The following PEDS1 variants were observed in gnomAD, a reference collection of about 807,000 sequenced individuals.
PEDS1 encodes CarF homolog.
In PEDS1, 14 loss-of-function variants were observed where a neutral mutation model predicts 35.2. The ratio of observed to expected loss-of-function variants is 0.40; its 90% CI spans 0.26 to 0.62. The LOEUF is 0.62. PEDS1 is among the 20% of genes least tolerant of loss of function. PEDS1 has a pLI of 0.44. For synonymous variants in PEDS1, 152 were observed against 152.0 expected, an observed-to-expected ratio of 1.00 and a Z score of 0.00; for missense variants, 260 against 367.8, an observed-to-expected ratio of 0.71 and a Z score of 2.40.
chr20:50,122,533 T>C lies in PEDS1; in HGVS notation c.*2525A>G, dbSNP rs1183628385. The C allele has an allele frequency of 1.3e-5, 2 of 152,064 alleles. No homozygotes were observed. The highest frequency in any genetic ancestry group is 4.8e-5 in the African/African-American group (2 of 41,390). The allele number at this position is 152,064 out of a possible 1,614,324, so 9.4% of individuals were successfully genotyped here. On this transcript the variant is annotated 3_prime_UTR_variant, in exon 6 of 6. Coordinates refer to ENST00000371652, the MANE Select transcript of PEDS1 (RefSeq NM_199129.4). ...GCCTGGCCAACATGCTGAAACCCCA[T>C]CTCTACTAAAAATACGAAAATTAGC...
intron 1 of PEDS1, among the ~76,000 whole-genome samples, chr20:50,152,045 T>C (rs2081410109): frequency 6.6e-6 from 1 of 152,024 alleles, no homozygotes; most frequent in Non-Finnish European, 1.5e-5. Flanking sequence ...GTCATACAGC[T>C]GAATAACAGA....
rs566291457 is a variant in PEDS1 at position 50,135,486 on chromosome 20, C to G, written c.242-4539G>C. Among the ~76,000 whole-genome samples, 6 of 151,882 alleles carry G rather than the reference C, an allele frequency of 4.0e-5. No individual in the cohort carries two copies. The East Asian group carries it at 1.2e-3, about 30-fold the overall frequency. ...CCAGCCTGACCAACATGGAGAAACC[C>G]TGTCTCTACTAAAAATACAAAATTA... On this transcript the variant is annotated intron_variant, in intron 2 of 5. Transcript: ENST00000371652.
intron 2 of PEDS1, 91 bp from the exon 3 acceptor site, chr20:50,131,038 G>T: frequency 6.2e-7 from 1 of 1,602,034 alleles, no homozygotes; most frequent in Non-Finnish European, 8.5e-7. Context: ...TCATTCATTT[G>T]TTAGGAGGGG....
At chr20:50,148,579 C>A (rs370496461) in intron 1 of PEDS1, among the ~76,000 whole-genome samples, 2 of 152,170 alleles carry the variant, frequency 1.3e-5, no homozygotes, top group African/African-American at 4.8e-5. Flanking sequence ...TGGGGTCATG[C>A]CTTTGTCATC....
At chr20:50,149,556 G>A (rs754126149) in intron 1 of PEDS1, among the ~76,000 whole-genome samples, 11 of 152,098 alleles carry the variant, frequency 7.2e-5, no homozygotes, top group Non-Finnish European at 5.9e-5. Flanking sequence ...AGGACAGAAC[G>A]GCTCCTGGGT....
At chr20:50,127,583 T>C (rs1385199009) in intron 5 of PEDS1, among the ~76,000 whole-genome samples, 1 of 152,122 alleles carries the variant, frequency 6.6e-6, no homozygotes, top group Non-Finnish European at 1.5e-5. Context: ...TGACCTCAAG[T>C]GATCCACCCG....
In PEDS1 at chr20:50,124,867, A is replaced by G; in HGVS notation, c.*191T>C. 1.3e-6 allele frequency: 1 copy of G among 743,996 alleles called. No homozygotes were observed. The highest frequency in any genetic ancestry group is 2.1e-6 in the Non-Finnish European group (1 of 481,568). 46.1% of individuals were successfully genotyped at this position (743,996 alleles called of 1,614,324 possible). A position where few individuals can be genotyped will look rare whatever the true frequency, so the allele number is the denominator to read the frequency against. On this transcript the variant is annotated 3_prime_UTR_variant, in exon 6 of 6. Coordinates refer to ENST00000371652, the MANE Select transcript of PEDS1 (RefSeq NM_199129.4). ...GTGGCTGAGGAGGGGCCGAGGAAAAAAAAAAAAAAGAAATGAAAAATCAGT... is the reference window on the plus strand; with the variant it reads ...GTGGCTGAGGAGGGGCCGAGGAAAAGAAAAAAAAAGAAATGAAAAATCAGT...
intron 2 of PEDS1, among the ~76,000 whole-genome samples, chr20:50,141,936 C>T (rs1309394520): frequency 6.6e-6 from 1 of 152,144 alleles, no homozygotes; most frequent in Non-Finnish European, 1.5e-5. Flanking sequence ...GGGAGTTGAA[C>T]CCTTAGGAAG....
rs1378509526 is a variant in PEDS1 at position 50,121,338 on chromosome 20, G to A, written c.*3720C>T. On this transcript the variant is annotated 3_prime_UTR_variant, in exon 6 of 6. Transcript: ENST00000371652. ...CCCTCTCCACAATGGGAGCGTTAAA[G>A]CACAGGGGCTTTGGGTCAGACGCTG... 1.3e-5 allele frequency: 2 copies of A among 152,226 alleles called. No homozygotes were observed. The highest frequency in any genetic ancestry group is 2.4e-5 in the African/African-American group (1 of 41,444). The allele number at this position is 152,226 out of a possible 1,614,324, so 9.4% of individuals were successfully genotyped here. A position where few individuals can be genotyped will look rare whatever the true frequency, so the allele number is the denominator to read the frequency against.
rs905403919 is a variant in PEDS1 at position 50,119,047 on chromosome 20, C to T, written c.*6011G>A. On this transcript the variant is annotated 3_prime_UTR_variant, in exon 6 of 6. Transcript: ENST00000371652. ...GCAAAGAACAAAACATTTGATAACA[C>T]GCTGTGTTGGCAAGGGTGTGAGGAA... is the stretch of plus-strand genomic sequence containing the variant. 3.9e-5 allele frequency: 6 copies of T among 152,272 alleles called. No individual in the cohort carries two copies. The highest frequency in any genetic ancestry group is 1.9e-4 in the East Asian group (1 of 5,186). 9.4% of individuals were successfully genotyped at this position (152,272 alleles called of 1,614,324 possible). A position where few individuals can be genotyped will look rare whatever the true frequency, so the allele number is the denominator to read the frequency against.
At chr20:50,151,731 C>A (rs112625782) in intron 1 of PEDS1, among the ~76,000 whole-genome samples, 5 of 152,104 alleles carry the variant, frequency 3.3e-5, no homozygotes, top group Middle Eastern at 3.4e-3. Flanking sequence ...TGGTGGCGGG[C>A]GCCTGTAGTC....
chr20:50,129,085 G>A lies in PEDS1; in HGVS notation c.478+461C>T, dbSNP rs1314887800. Among the ~76,000 whole-genome samples the A allele has an allele frequency of 1.3e-5, 2 of 152,258 alleles. No individual in the cohort carries two copies. Among genetic ancestry groups the A allele is most frequent in the Non-Finnish European group, 2.9e-5 (2 of 68,042 alleles). On this transcript the variant is annotated intron_variant, in intron 4 of 5. Coordinates refer to ENST00000371652, the MANE Select transcript of PEDS1 (RefSeq NM_199129.4). This position sits in a 1 kb window ranked among gnomAD's most constrained non-coding sequence, Gnocchi z 4.2. Reference sequence around the variant, plus strand: ...ACAGATAAGGCAACTGAGGCTCAGAGTGGTGAAATCACTTACTTTGGGACC... The same window carrying A: ...ACAGATAAGGCAACTGAGGCTCAGAATGGTGAAATCACTTACTTTGGGACC...
intron 3 of PEDS1, among the ~76,000 whole-genome samples, chr20:50,130,172 C>T (rs116940623): frequency 0.021 from 3,195 of 152,326 alleles, 34 homozygotes; most frequent in Middle Eastern, 0.034. Context: ...TCCCTCTAGC[C>T]AGTGACTGCC....
At chr20:50,147,754 T>C (rs908542081) in intron 1 of PEDS1, among the ~76,000 whole-genome samples, 1 of 152,144 alleles carries the variant, frequency 6.6e-6, no homozygotes, top group African/African-American at 2.4e-5. Flanking sequence ...TTCTCATCCA[T>C]AAAGAATGCA....
At chr20:50,136,867 T>G (rs761064827) in intron 2 of PEDS1, among the ~76,000 whole-genome samples, 4 of 151,960 alleles carry the variant, frequency 2.6e-5, no homozygotes, top group Non-Finnish European at 5.9e-5. Context: ...CGAAACCCTG[T>G]CTGTATATAA....
chr20:50,139,444 G>A (rs925511625), intron 2 of PEDS1, among the ~76,000 whole-genome samples: 3 of 151,298 alleles, frequency 2.0e-5, no homozygotes, highest in African/African-American at 7.3e-5. Flanking sequence ...GTTCCCAGTC[G>A]ACCCCCAAGA....
rs1432243788 is a variant in PEDS1 at position 50,123,126 on chromosome 20, C to A, written c.*1932G>T. ...AATAAATACAAATAAATAAAATGACCAGCAGGTCCCCACTCACCTCAGCCT... is the reference window on the plus strand; with the variant it reads ...AATAAATACAAATAAATAAAATGACAAGCAGGTCCCCACTCACCTCAGCCT... On this transcript the variant is annotated 3_prime_UTR_variant, in exon 6 of 6. Coordinates refer to ENST00000371652, the MANE Select transcript of PEDS1 (RefSeq NM_199129.4). The A allele has an allele frequency of 1.3e-5, 2 of 152,108 alleles. No individual in the cohort carries two copies. Among genetic ancestry groups the A allele is most frequent in the Non-Finnish European group, 2.9e-5 (2 of 68,040 alleles). The allele number at this position is 152,108 out of a possible 1,614,324, so 9.4% of individuals were successfully genotyped here.
intron 1 of PEDS1, among the ~76,000 whole-genome samples, chr20:50,144,810 TA>T (rs559758433): frequency 6.7e-4 from 102 of 151,734 alleles, no homozygotes; most frequent in African/African-American, 2.3e-3. Flanking sequence ...CCATTTATGT[TA>T]AAAAAAAATC....
rs557484656 is a variant in PEDS1, at chr20:50,148,840, G to A, written c.121+4677C>T. Among the ~76,000 whole-genome samples, 43 of 152,272 alleles carry A rather than the reference G, an allele frequency of 2.8e-4. No individual in the cohort carries two copies. The South Asian group carries it at 6.6e-3, about 24-fold the overall frequency. On this transcript the variant is annotated intron_variant, in intron 1 of 5. Transcript: ENST00000371652. Reference sequence around the variant, plus strand: ...GAAGATGAGAAACAGGCTGAGTGCCGCGGCTCATGCCTGTAATCCCAGCAC... The same window carrying A: ...GAAGATGAGAAACAGGCTGAGTGCCACGGCTCATGCCTGTAATCCCAGCAC...
Sources: gnomAD v4.1 joint callset for allele counts (sites outside exome capture counted in the v4.1 genomes callset) on GRCh38, gnomAD v4.1.1 for gene constraint, Gnocchi (gnomAD v3.1) non-coding constraint, MANE v1.5 for transcripts, NCBI Gene and HGNC (gene_info 2026-07-23, HGNC 2026-07-21) for gene names.